EP300: variants seen among roughly 807,000 people sequenced by gnomAD.
EP300 encodes the protein EP300 lysine acetyltransferase, also known as histone acetyltransferase p300.
EP300 carries 31 observed loss-of-function variants against 264.0 expected under a neutral mutation model. The ratio of observed to expected loss-of-function variants is 0.12; its 90% CI spans 0.09 to 0.16. EP300 has a LOEUF of 0.16. Ranked by LOEUF, EP300 falls within the 10% of genes least tolerant of loss-of-function variation. EP300 has a pLI of 1.00. For synonymous variants in EP300, 1,340 were observed against 1,045.4 expected (o/e 1.28, Z -5.44); for missense variants, 2,766 against 3,052.9 (o/e 0.91, Z 2.21).
chr22:41,173,473 GAGAA>G (rs2059182393), intron 28 of EP300, 146 bp from the exon 29 acceptor site: 2 of 878,558 alleles, frequency 2.3e-6, no homozygotes, highest in Non-Finnish European at 1.7e-6. Context: ...CAACTTTAAG[GAGAA>G]AGAATAAGTG....
intron 28 of EP300, among the ~76,000 whole-genome samples, chr22:41,173,399 T>C (rs1783656635): frequency 6.6e-6 from 1 of 152,184 alleles, no homozygotes; most frequent in Non-Finnish European, 1.5e-5. Context: ...TGGCCTCTTC[T>C]AGGCAAAAAG....
chr22:41,112,825 C>T (rs2058800706), intron 1 of EP300, among the ~76,000 whole-genome samples: 1 of 151,698 alleles, frequency 6.6e-6, no homozygotes, highest in Non-Finnish European at 1.5e-5. Flanking sequence ...AAAGATTAAC[C>T]AAGGGCTTAT....
intron 10 of EP300, among the ~76,000 whole-genome samples, chr22:41,141,665 C>CTTTTTTTTTTTTT (rs77123676): frequency 1.4e-5 from 2 of 146,120 alleles, no homozygotes. Context: ...TCTAGGAACT[C>CTTTTTTTTTTTTT]TTTTTTTTTT....
Position 41,179,365 on chromosome 22 carries a change from T to G in EP300, c.*409T>G, listed in dbSNP as rs1260861728. 9.1e-6 allele frequency: 2 copies of G among 219,544 alleles called. No homozygotes were observed. The highest frequency in any genetic ancestry group is 1.8e-5 in the Non-Finnish European group (2 of 109,166). The allele number at this position is 219,544 out of a possible 1,614,324, so 13.6% of individuals were successfully genotyped here. On this transcript the variant is annotated 3_prime_UTR_variant, in exon 31 of 31. Coordinates refer to ENST00000263253, the MANE Select transcript of EP300 (RefSeq NM_001429.4). ...TGCAGATGGTTGACATTTTTCCCTA[T>G]TTTCCTCACTTTATGGAAGAGTTAA...
Position 41,131,593 on chromosome 22 carries a change from T to G in EP300, c.1488T>G (p.Pro496=). 2 of 1,614,174 alleles carry G rather than the reference T, an allele frequency of 1.2e-6. No individual in the cohort carries two copies. Residue 496 remains proline (P), a synonymous_variant, in exon 6 of 31, where the codon CCT becomes CCG. Transcript: ENST00000263253. ...VQAKNQQNQQ[P]GQSPQGMRPM... ...CAAAGAACCAGCAGAATCAGCAGCC[T>G]GGGCAGTCTCCCCAAGGCATGCGGC...
At position 41,176,261 on chromosome 22, in the gene EP300, C is replaced by T; in HGVS notation, c.4794C>T (p.Ile1598=). ...MEKHKEVFFV[I]RLIAGPAANS... ...CTGTTTTTCAGGTCTTCTTTGTGAT[C>T]CGCCTCATTGCTGGCCCTGCTGCCA... Residue 1598 remains isoleucine (I), a synonymous_variant, in exon 30 of 31, where the codon ATC becomes ATT. Transcript: ENST00000263253. 1 of 1,614,208 alleles carries T rather than the reference C, an allele frequency of 6.2e-7. No individual in the cohort carries two copies. The highest frequency in any genetic ancestry group is 1.1e-5 in the South Asian group (1 of 91,084).
At chr22:41,100,880 G>GTA (rs971377595) in intron 1 of EP300, among the ~76,000 whole-genome samples, 17 of 151,634 alleles carry the variant, frequency 1.1e-4, no homozygotes, top group South Asian at 2.1e-4. Context: ...ATCATGTCAC[G>GTA]TATATATATA....
In EP300 at chr22:41,149,975, C is replaced by T. The variant is rs754168978; in HGVS notation, c.2594C>T (p.Thr865Ile). The change falls in exon 14 of 31, where the codon ACA becomes ATA. Residue 865 changes from threonine (T) to isoleucine (I), a missense_variant. Coordinates refer to ENST00000263253, the MANE Select transcript of EP300 (RefSeq NM_001429.4). ...ACAACAATTCCAGCCCCTGTTCCTA[C>T]ACCTCCTGCCATGCCACCTGGGCCA... ...PATTIPAPVPTPPAMPPGPQS... is the reference protein window; with the variant it reads ...PATTIPAPVPIPPAMPPGPQS... The T allele has an allele frequency of 2.5e-5, 41 of 1,613,924 alleles. No individual in the cohort carries two copies. In the Admixed American group the frequency reaches 6.5e-4, roughly 26 times the overall value.
intron 1 of EP300, among the ~76,000 whole-genome samples, chr22:41,115,816 G>A (rs894225392): frequency 2.0e-5 from 3 of 152,176 alleles, no homozygotes; most frequent in African/African-American, 7.2e-5. Context: ...CTATTCTGTA[G>A]GCTACAGGTC....
chr22:41,131,449 G>A lies in EP300; in HGVS notation c.1344G>A (p.Gln448=), dbSNP rs765683664. Residue 448 remains glutamine (Q), a synonymous_variant, in exon 6 of 31, where the codon CAG becomes CAA. Coordinates refer to ENST00000263253, the MANE Select transcript of EP300 (RefSeq NM_001429.4). ...GNPSSLGVGQ[Q]SAPNLSTVSQ... ...CTAGCTCTCTAGGGGTGGGTCAACA[G>A]TCTGCCCCCAACCTAAGCACTGTTA... 1.4e-5 allele frequency: 22 copies of A among 1,614,014 alleles called. No homozygotes were observed. Among genetic ancestry groups the A allele is most frequent in the African/African-American group, 2.7e-5 (2 of 74,904 alleles).
intron 4 of EP300, 115 bp downstream of exon 4, chr22:41,127,863 T>C: frequency 7.5e-7 from 1 of 1,336,704 alleles, no homozygotes. Flanking sequence ...TTAATTGTGG[T>C]GATGGTGTCT....
chr22:41,150,420 C>A (rs1036579611), intron 14 of EP300, among the ~76,000 whole-genome samples: 3 of 152,110 alleles, frequency 2.0e-5, no homozygotes, highest in African/African-American at 7.2e-5. Context: ...CTGACTTTGA[C>A]CATTATGTTT....
At chr22:41,110,240 G>C (rs943471191) in intron 1 of EP300, among the ~76,000 whole-genome samples, 3 of 133,368 alleles carry the variant, frequency 2.2e-5, no homozygotes, top group African/African-American at 8.6e-5. Flanking sequence ...CAGGCCCTTT[G>C]AGTAACTGGG....
chr22:41,146,058 A>G (rs2059008984), intron 10 of EP300, among the ~76,000 whole-genome samples: 1 of 152,030 alleles, frequency 6.6e-6, no homozygotes, highest in Non-Finnish European at 1.5e-5. Flanking sequence ...AAATTCGGCC[A>G]CCATTAGACA....
intron 1 of EP300, among the ~76,000 whole-genome samples, chr22:41,093,945 T>G (rs538375950): frequency 6.6e-6 from 1 of 152,246 alleles, no homozygotes; most frequent in Non-Finnish European, 1.5e-5. Flanking sequence ...GTTTAAAATG[T>G]GCATTAGGTT....
At chr22:41,148,969 A>G (rs1404649433) in intron 12 of EP300, 69 bp from the exon 13 acceptor site, 5 of 1,604,352 alleles carry the variant, frequency 3.1e-6, no homozygotes, top group Non-Finnish European at 4.3e-6. Flanking sequence ...GGAGCATTTG[A>G]TGATTTTAGT....
chr22:41,117,126 G>T, intron 1 of EP300, 61 bp from the exon 2 acceptor site: 1 of 1,374,674 alleles, frequency 7.3e-7, no homozygotes, highest in Non-Finnish European at 1.0e-6. Flanking sequence ...GAACAATATA[G>T]AGCAGTTTTT....
intron 1 of EP300, among the ~76,000 whole-genome samples, 198 bp from the exon 2 acceptor site, chr22:41,116,989 A>G (rs184118471): frequency 5.9e-5 from 9 of 152,284 alleles, no homozygotes; most frequent in Admixed American, 1.3e-4. Context: ...GAACCTGTGG[A>G]TAGAGGTTAC....
intron 16 of EP300, 87 bp from the exon 17 acceptor site, chr22:41,154,908 A>G: frequency 4.5e-6 from 4 of 892,294 alleles, no homozygotes; most frequent in Non-Finnish European, 7.5e-6. Context: ...GATTCTTGAG[A>G]TGCTTTTAGA....
Sources: gnomAD v4.1 joint callset for allele counts (sites outside exome capture counted in the v4.1 genomes callset) on GRCh38, gnomAD v4.1.1 for gene constraint, MANE v1.5 for transcripts, NCBI Gene and HGNC (gene_info 2026-07-23, HGNC 2026-07-21) for gene names.